The following GPR20 variants were observed in gnomAD, a reference collection of about 807,000 sequenced individuals.
GPR20 encodes G protein-coupled receptor 20.
For synonymous variants in GPR20, 241 were observed against 241.9 expected (o/e 1.00, Z 0.04); for missense variants, 494 against 527.4 (o/e 0.94, Z 0.62).
At chr8:141,364,162 T>G (rs1831780209) in intron 1 of GPR20, among the ~76,000 whole-genome samples, 1 of 152,114 alleles carries the variant, frequency 6.6e-6, no homozygotes, top group African/African-American at 2.4e-5. Flanking sequence ...GGGGCTGGAT[T>G]AGGCATCTCT....
chr8:141,357,559 C>T lies in GPR20; in HGVS notation c.365G>A (p.Cys122Tyr), dbSNP rs200305718. Reference sequence around the variant, plus strand: ...GTAACCGAGGACGTGCGGGAAGGCACAGCGCAGGCAGCCCCTGGCGCCGTA... The same window carrying T: ...GTAACCGAGGACGTGCGGGAAGGCATAGCGCAGGCAGCCCCTGGCGCCGTA... ...VYYGARGCLRCAFPHVLGYFL... is the reference protein window; with the variant it reads ...VYYGARGCLRYAFPHVLGYFL... Residue 122 changes from cysteine (C) to tyrosine (Y), a missense_variant, in exon 2 of 2, where the codon TGT becomes TAT. Cys to Tyr is a radical substitution (Grantham distance 194). Transcript: ENST00000377741. 24 of 1,613,716 alleles carry T rather than the reference C, an allele frequency of 1.5e-5. No homozygotes were observed. Among genetic ancestry groups the T allele is most frequent in the African/African-American group, 2.7e-5 (2 of 74,952 alleles).
rs371640941 is a variant in GPR20 at position 141,357,563 on chromosome 8, G to A, written c.361C>T (p.Arg121Cys). ...CCGAGGACGTGCGGGAAGGCACAGC[G>A]CAGGCAGCCCCTGGCGCCGTAGTAC... The part of the protein sequence containing the change: ...AVYYGARGCL[R>C]CAFPHVLGYF... The change falls in exon 2 of 2, where the codon CGC becomes TGC. Residue 121 changes from arginine (R) to cysteine (C), a missense_variant. Coordinates refer to ENST00000377741, the MANE Select transcript of GPR20 (RefSeq NM_005293.3). The A allele has an allele frequency of 1.3e-5, 21 of 1,613,720 alleles. No homozygotes were observed. Among genetic ancestry groups the A allele is most frequent in the Admixed American group, 1.7e-5 (1 of 60,012 alleles).
intron 1 of GPR20, among the ~76,000 whole-genome samples, chr8:141,359,605 C>G (rs576302541): frequency 6.6e-6 from 1 of 152,246 alleles, no homozygotes; most frequent in Non-Finnish European, 1.5e-5. Context: ...GGCCCTGACA[C>G]GCGGGCATTG....
rs533997295 is a variant in GPR20, at chr8:141,357,546, G to A, written c.378C>T (p.His126=). 5.9e-5 allele frequency: 95 copies of A among 1,613,816 alleles called. 2 individuals carry two copies. The South Asian group carries it at 6.8e-4, about 12-fold the overall frequency. The change falls in exon 2 of 2, where the codon CAC becomes CAT. Residue 126 remains histidine, a synonymous_variant. Transcript: ENST00000377741. Reference sequence around the variant, plus strand: ...GCATGTTGAGGAAGTAACCGAGGACGTGCGGGAAGGCACAGCGCAGGCAGC... The same window carrying A: ...GCATGTTGAGGAAGTAACCGAGGACATGCGGGAAGGCACAGCGCAGGCAGC... ...ARGCLRCAFP[H]VLGYFLNMHC...
In GPR20 at chr8:141,356,957, C is replaced by T. The variant is rs139237926; in HGVS notation, c.967G>A (p.Gly323Ser). The T allele has an allele frequency of 1.9e-5, 30 of 1,612,958 alleles. No individual in the cohort carries two copies. Among genetic ancestry groups the T allele is most frequent in the Middle Eastern group, 1.6e-4 (1 of 6,084 alleles). ...CTCCTGTGCATGCTGACCACGTCAC[C>T]GCTGCTGGGCTCACGCTCTCCGTGC... is the stretch of plus-strand genomic sequence containing the variant. ...GQHGEREPSS[G>S]DVVSMHRSSK... is the part of the protein sequence containing the mutation. The change falls in exon 2 of 2, where the codon GGT becomes AGT. Residue 323 changes from glycine to serine, a missense_variant. Transcript: ENST00000377741.
In GPR20 at chr8:141,357,631, G is replaced by T. The variant is rs766191335; in HGVS notation, c.293C>A (p.Thr98Asn). ...CAGGGACAGCCCTACCAGTAGATCG[G>T]TCACCACCAGGTTGATGGTGTAGAT... Reference protein sequence around the residue: ...SVIYTINLVVTDLLVGLSLPT... With the variant: ...SVIYTINLVVNDLLVGLSLPT... The change falls in exon 2 of 2, where the codon ACC becomes AAC. Residue 98 changes from threonine (T) to asparagine (N), a missense_variant. Thr to Asn is a moderately conservative substitution (Grantham distance 65). Transcript: ENST00000377741. 1 of 1,613,992 alleles carries T rather than the reference G, an allele frequency of 6.2e-7. No individual in the cohort carries two copies. The highest frequency in any genetic ancestry group is 1.3e-5 in the African/African-American group (1 of 75,076).
intron 1 of GPR20, among the ~76,000 whole-genome samples, chr8:141,364,667 C>T (rs1233315621): frequency 6.6e-6 from 1 of 152,224 alleles, no homozygotes; most frequent in African/African-American, 2.4e-5. Context: ...TAAGAGCCCT[C>T]TTGCTGAGAC....
rs199924147 is a variant in GPR20 at position 141,357,549 on chromosome 8, C to T, written c.375G>A (p.Pro125=). The change falls in exon 2 of 2, where the codon CCG becomes CCA. Residue 125 remains proline, a synonymous_variant. Transcript: ENST00000377741. ...TGTTGAGGAAGTAACCGAGGACGTG[C>T]GGGAAGGCACAGCGCAGGCAGCCCC... The part of the protein sequence containing the change: ...GARGCLRCAF[P]HVLGYFLNMH... 45 of 1,613,680 alleles carry T rather than the reference C, an allele frequency of 2.8e-5. No homozygotes were observed. The highest frequency in any genetic ancestry group is 2.5e-4 in the African/African-American group (19 of 74,942).
Position 141,357,600 on chromosome 8 carries a change from C to T in GPR20, c.324G>A (p.Thr108=), listed in dbSNP as rs373756599. ...TGGCGCCGTAGTACACAGCGAAGCG[C>T]GTGGGCAGGGACAGCCCTACCAGTA... ...TDLLVGLSLP[T]RFAVYYGARG... Residue 108 remains threonine, a synonymous_variant, in exon 2 of 2, where the codon ACG becomes ACA. Transcript: ENST00000377741. 9.3e-6 allele frequency: 15 copies of T among 1,613,842 alleles called. No individual in the cohort carries two copies. Among genetic ancestry groups the T allele is most frequent in the Middle Eastern group, 1.6e-4 (1 of 6,084 alleles).
At position 141,357,256 on chromosome 8, in the gene GPR20, A is replaced by G. The variant is rs1382000721; in HGVS notation, c.668T>C (p.Leu223Pro). Reference sequence around the variant, plus strand: ...CTGGTGGAGCAGACCCGGCCGCGACAGTGCACACATGATGCGGCCGGTAAA... The same window carrying G: ...CTGGTGGAGCAGACCCGGCCGCGACGGTGCACACATGATGCGGCCGGTAAA... ...SVFTGRIMCALSRPGLLHQGR... is the reference protein window; with the variant it reads ...SVFTGRIMCAPSRPGLLHQGR... Residue 223 changes from leucine to proline, a missense_variant, in exon 2 of 2, where the codon CTG becomes CCG. Leu to Pro is a moderately conservative substitution (Grantham distance 98). Coordinates refer to ENST00000377741, the MANE Select transcript of GPR20 (RefSeq NM_005293.3). 6.5e-7 allele frequency: 1 copy of G among 1,544,992 alleles called. No individual in the cohort carries two copies. The highest frequency in any genetic ancestry group is 2.0e-5 in the Admixed American group (1 of 51,248).
chr8:141,364,995 GCCTCAGCCTGGTCCTTCCGCCTGAAGCT>G (rs1413361098), intron 1 of GPR20, among the ~76,000 whole-genome samples: 2 of 152,172 alleles, frequency 1.3e-5, no homozygotes, highest in Admixed American at 1.3e-4. Flanking sequence ...CACCTGCCTG[GCCTCAGCCTGGTCCTTCCGCCTGAAGCT>G]CCTCAGCCTG....
Position 141,356,781 on chromosome 8 carries a change from G to T in GPR20, c.*66C>A. On this transcript the variant is annotated 3_prime_UTR_variant, in exon 2 of 2. Coordinates refer to ENST00000377741, the MANE Select transcript of GPR20 (RefSeq NM_005293.3). ...TGGAACCGATTGCCACCCCTGGCAT[G>T]GTGGGTGTCCACGCTGGCATGCCCA... The T allele has an allele frequency of 8.7e-7, 1 of 1,155,910 alleles. No individual in the cohort carries two copies. Among genetic ancestry groups the T allele is most frequent in the Non-Finnish European group, 1.2e-6 (1 of 812,222 alleles). The allele number at this position is 1,155,910 out of a possible 1,614,324, so 71.6% of individuals were successfully genotyped here.
intron 1 of GPR20, among the ~76,000 whole-genome samples, chr8:141,359,728 A>G (rs542629127): frequency 2.0e-5 from 3 of 152,120 alleles, no homozygotes; most frequent in African/African-American, 7.2e-5. Flanking sequence ...GGCTGGGCAC[A>G]TGGGGGCTGG....
chr8:141,365,114 G>C (rs962123711), intron 1 of GPR20, among the ~76,000 whole-genome samples: 3 of 152,150 alleles, frequency 2.0e-5, no homozygotes, highest in African/African-American at 7.2e-5. Context: ...CCTGGTGAAG[G>C]CTCCGGGCAC....
At chr8:141,360,572 C>A (rs1479421344) in intron 1 of GPR20, among the ~76,000 whole-genome samples, 2 of 152,230 alleles carry the variant, frequency 1.3e-5, no homozygotes, top group Non-Finnish European at 2.9e-5. Flanking sequence ...CTCTCTGGGG[C>A]TCCCACTCAC....
In GPR20 at chr8:141,357,063, G is replaced by A. The variant is rs1433650996; in HGVS notation, c.861C>T (p.Ser287=). Residue 287 remains serine (S), a synonymous_variant, in exon 2 of 2, where the codon AGC becomes AGT. Transcript: ENST00000377741. ...CGATGGGGTCCATGCAGCTGTTGAG[G>A]CTGCTGAGGGTCACGGCCACGTGGT... The part of the protein sequence containing the change: ...VVYHVAVTLS[S]LNSCMDPIVY... 6.2e-7 allele frequency: 1 copy of A among 1,612,510 alleles called. No individual in the cohort carries two copies. The highest frequency in any genetic ancestry group is 1.3e-5 in the African/African-American group (1 of 75,064).
At chr8:141,360,150 G>T (rs1488838989) in intron 1 of GPR20, among the ~76,000 whole-genome samples, 2 of 152,152 alleles carry the variant, frequency 1.3e-5, no homozygotes, top group African/African-American at 4.8e-5. Flanking sequence ...CTGGGGGGAT[G>T]GGCAGAATGT....
At chr8:141,364,217 C>T (rs988014603) in intron 1 of GPR20, among the ~76,000 whole-genome samples, 1 of 152,216 alleles carries the variant, frequency 6.6e-6, no homozygotes, top group Admixed American at 6.5e-5. Context: ...GCCCTGAGGC[C>T]GCATGTGTGA....
Position 141,357,760 on chromosome 8 carries a change from G to A in GPR20, c.164C>T (p.Ala55Val), listed in dbSNP as rs372705277. The part of the protein sequence containing the change: ...LHGTFPGLWL[A>V]LMAVHGAIFL... ...GATGGCTCCGTGCACCGCCATCAGC[G>A]CCAGCCACAGGCCTGGGAAGGTGCC... The change falls in exon 2 of 2, where the codon GCG becomes GTG. Residue 55 changes from alanine to valine, a missense_variant. Transcript: ENST00000377741. 28 of 1,612,732 alleles carry A rather than the reference G, an allele frequency of 1.7e-5. No homozygotes were observed. The highest frequency in any genetic ancestry group is 1.7e-4 in the Middle Eastern group (1 of 6,060).
Sources: gnomAD v4.1 joint callset for allele counts (sites outside exome capture counted in the v4.1 genomes callset) on GRCh38, gnomAD v4.1.1 for gene constraint, MANE v1.5 for transcripts, NCBI Gene and HGNC (gene_info 2026-07-23, HGNC 2026-07-21) for gene names.